Variants in CADM2 observed in about 807,000 individuals in gnomAD.
CADM2 encodes cell adhesion molecule 2.
In CADM2, 12 loss-of-function variants were observed where a neutral mutation model predicts 49.8. The observed-to-expected ratio is 0.24, with a 90% CI of 0.15 to 0.39. The LOEUF (loss-of-function observed/expected upper bound fraction) is 0.39. Among genes scored for constraint, CADM2 ranks in the 10% least tolerant of loss-of-function variants. The pLI, the probability that CADM2 is intolerant of heterozygous loss-of-function variation, is 1.00. For synonymous variants in CADM2, 214 were observed against 175.4 expected (o/e 1.22, Z -1.74); for missense variants, 378 against 492.3 (o/e 0.77, Z 2.20).
chr3:85,344,738 T>A (rs568354695), intron 1 of CADM2, among the ~76,000 whole-genome samples: 1 of 152,216 alleles, frequency 6.6e-6, no homozygotes, highest in African/African-American at 2.4e-5. Flanking sequence ...TTATAGAAAA[T>A]TATTTTTGAA....
At chr3:85,424,871 T>C (rs1366463995) in intron 1 of CADM2, among the ~76,000 whole-genome samples, 1 of 152,162 alleles carries the variant, frequency 6.6e-6, no homozygotes, top group Non-Finnish European at 1.5e-5. Context: ...AAATAATATA[T>C]ATTTGCTTAC....
chr3:85,057,024 G>A, intron 1 of CADM2, among the ~76,000 whole-genome samples: 1 of 152,110 alleles, frequency 6.6e-6, no homozygotes, highest in East Asian at 1.9e-4. Context: ...TAATGTGCAA[G>A]TCAGGTTGAG....
chr3:85,934,379 G>A (rs778498614), intron 6 of CADM2, among the ~76,000 whole-genome samples: 1 of 151,770 alleles, frequency 6.6e-6, no homozygotes, highest in Non-Finnish European at 1.5e-5. Flanking sequence ...TGCTGATAAT[G>A]GAAAAAATTA....
chr3:85,318,142 C>T (rs928073086), intron 1 of CADM2, among the ~76,000 whole-genome samples: 2 of 150,432 alleles, frequency 1.3e-5, no homozygotes, highest in Non-Finnish European at 3.0e-5. Context: ...TGCACTCCAG[C>T]CTGGGCAACA....
intron 1 of CADM2, among the ~76,000 whole-genome samples, chr3:85,586,791 C>A (rs984489416): frequency 1.3e-5 from 2 of 152,022 alleles, no homozygotes; most frequent in African/African-American, 4.8e-5. Flanking sequence ...CTCTGAATAA[C>A]TTTATTACAA....
chr3:85,195,363 T>C (rs766259033), intron 1 of CADM2, among the ~76,000 whole-genome samples: 4 of 152,084 alleles, frequency 2.6e-5, no homozygotes, highest in Non-Finnish European at 4.4e-5. Flanking sequence ...ACACCATATC[T>C]ATGAGCAGTT....
intron 1 of CADM2, among the ~76,000 whole-genome samples, chr3:85,267,531 T>C (rs1050828767): frequency 1.3e-5 from 2 of 151,724 alleles, no homozygotes; most frequent in African/African-American, 4.8e-5. Flanking sequence ...TTATCTTCCA[T>C]TATGCAATGT....
At chr3:85,923,972 C>T (rs1719492563) in intron 6 of CADM2, among the ~76,000 whole-genome samples, 1 of 151,996 alleles carries the variant, frequency 6.6e-6, no homozygotes, top group Admixed American at 6.6e-5. Context: ...TTATGTTATT[C>T]TTTTTATCAT....
intron 1 of CADM2, among the ~76,000 whole-genome samples, chr3:85,222,246 G>A (rs1480172026): frequency 2.0e-5 from 3 of 152,158 alleles, no homozygotes; most frequent in Non-Finnish European, 4.4e-5. Context: ...CACTGTGTGC[G>A]ATAACAACCA....
chr3:85,468,182 C>A (rs796843471), intron 1 of CADM2, among the ~76,000 whole-genome samples: 5,468 of 102,650 alleles, frequency 0.053, 481 homozygotes, highest in African/African-American at 0.19. Flanking sequence ...AAAAAAAAAA[C>A]ATTGAGGCAG....
intron 1 of CADM2, among the ~76,000 whole-genome samples, chr3:85,422,822 G>A (rs539536260): frequency 6.6e-6 from 1 of 151,798 alleles, no homozygotes; most frequent in African/African-American, 2.4e-5. Flanking sequence ...GAGCTGGGGC[G>A]AGCGCTTTGG....
intron 1 of CADM2, among the ~76,000 whole-genome samples, chr3:85,686,534 T>A (rs1309314190): frequency 6.6e-6 from 1 of 152,248 alleles, no homozygotes; most frequent in African/African-American, 2.4e-5. Flanking sequence ...TCTTTTGGCT[T>A]AACAATTATT....
At chr3:85,927,738 G>T (rs574623416) in intron 6 of CADM2, among the ~76,000 whole-genome samples, 1 of 152,114 alleles carries the variant, frequency 6.6e-6, no homozygotes, top group South Asian at 2.1e-4. Flanking sequence ...CTCTTACTTA[G>T]CATTTTGGCC....
chr3:85,853,032 G>A (rs1356889574), intron 3 of CADM2, among the ~76,000 whole-genome samples: 2 of 151,924 alleles, frequency 1.3e-5, no homozygotes, highest in Non-Finnish European at 2.9e-5. Flanking sequence ...TAAAACTTAA[G>A]CATAAATCCC....
Position 86,069,843 on chromosome 3 carries a change from T to A in CADM2, c.*3060T>A, listed in dbSNP as rs1255687809. The A allele has an allele frequency of 6.6e-6, 1 of 152,070 alleles. No homozygotes were observed. The highest frequency in any genetic ancestry group is 2.4e-5 in the African/African-American group (1 of 41,446). 9.4% of individuals were successfully genotyped at this position (152,070 alleles called of 1,614,324 possible). On this transcript the variant is annotated 3_prime_UTR_variant, in exon 10 of 10. Coordinates refer to ENST00000383699, the MANE Select transcript of CADM2 (RefSeq NM_001167675.2). ...GGCATTTTACTTTTCTTTTCTTTTTTATTTTCCATTTTTGGGTGTTCTAGA... is the reference window on the plus strand; with the variant it reads ...GGCATTTTACTTTTCTTTTCTTTTTAATTTTCCATTTTTGGGTGTTCTAGA...
At chr3:86,032,237 A>G (rs893369758) in intron 8 of CADM2, among the ~76,000 whole-genome samples, 2 of 151,794 alleles carry the variant, frequency 1.3e-5, no homozygotes, top group Non-Finnish European at 1.5e-5. Context: ...GAGATATACA[A>G]TGCCTTGTTT....
intron 1 of CADM2, among the ~76,000 whole-genome samples, chr3:85,403,303 TA>T (rs2035209111): frequency 6.6e-6 from 1 of 152,192 alleles, no homozygotes; most frequent in South Asian, 2.1e-4. Context: ...CGAAATTGAG[TA>T]AAAAAGTGCA....
At chr3:85,827,285 T>A (rs2073961608) in intron 3 of CADM2, among the ~76,000 whole-genome samples, 1 of 152,002 alleles carries the variant, frequency 6.6e-6, no homozygotes, top group Admixed American at 6.6e-5. Context: ...AATTGCAGTC[T>A]CTTTTCAAAT....
At position 85,410,454 on chromosome 3, in the gene CADM2, A is replaced by G. The variant is rs540776072; in HGVS notation, c.62-316068A>G. Among the ~76,000 whole-genome samples, 8 of 152,284 alleles carry G rather than the reference A, an allele frequency of 5.3e-5. No individual in the cohort carries two copies. The South Asian group carries it at 1.7e-3, about 32-fold the overall frequency. On this transcript the variant is annotated intron_variant, in intron 1 of 9. Transcript: ENST00000383699. ...CGTGCTGATTTTTCTCGTGCAGCTC[A>G]TTCAGACCATATTTGCCATTTGTGT...
Sources: gnomAD v4.1 joint callset for allele counts (sites outside exome capture counted in the v4.1 genomes callset) on GRCh38, gnomAD v4.1.1 for gene constraint, MANE v1.5 for transcripts, NCBI Gene and HGNC (gene_info 2026-07-23, HGNC 2026-07-21) for gene names.